Variants in GSDME observed in about 807,000 individuals in gnomAD.
The protein encoded by GSDME is gasdermin-E.
GSDME carries 44 observed loss-of-function variants against 47.5 expected under a neutral mutation model. The observed-to-expected ratio is 0.93, with a 90% confidence interval of 0.73 to 1.19. The LOEUF is 1.19. GSDME is among the 50% of genes most tolerant of loss of function. The pLI, the probability that GSDME is intolerant of heterozygous loss-of-function variation, is 0.00. For missense variants in GSDME, 663 were observed against 604.2 expected (o/e 1.10, Z -1.02); for synonymous variants, 258 against 252.8 (o/e 1.02, Z -0.20).
chr7:24,708,254 G>T lies in GSDME; in HGVS notation c.863C>A (p.Ala288Glu), dbSNP rs150896230. 1.8e-5 allele frequency: 29 copies of T among 1,613,826 alleles called. No individual in the cohort carries two copies. The African/African-American group carries it at 3.2e-4, about 18-fold the overall frequency. Residue 288 changes from alanine (A) to glutamate (E), a missense_variant and splice_region_variant, in exon 7 of 10, where the codon GCG (alanine) becomes GAG (glutamate). Transcript: ENST00000645220. ...GAAATTCCTCTCCAGGAGCAGGGTC[G>T]CTGTGAAAACAAAGCACACCCAAGT... ...QDGPLSVLKQ[A>E]TLLLERNFHP...
chr7:24,749,520 A>G, intron 2 of GSDME, 44 bp downstream of exon 2: 1 of 1,458,994 alleles, frequency 6.9e-7, no homozygotes, highest in East Asian at 2.3e-5. Flanking sequence ...AAAAAGGATC[A>G]TCCTTTCCGA....
chr7:24,793,090 A>G, the GSDME span, among the ~76,000 whole-genome samples: 3 of 152,244 alleles, frequency 2.0e-5, no homozygotes, highest in Admixed American at 1.3e-4. Flanking sequence ...ATATTTGACA[A>G]TGCTTCCTGT....
At chr7:24,701,852 A>G (rs1788881746) in intron 9 of GSDME, among the ~76,000 whole-genome samples, 1 of 152,214 alleles carries the variant, frequency 6.6e-6, no homozygotes, top group Non-Finnish European at 1.5e-5. Flanking sequence ...GCCATGCTGC[A>G]TAGTCTTCTA....
chr7:24,790,781 G>C, the GSDME span, among the ~76,000 whole-genome samples: 1 of 152,132 alleles, frequency 6.6e-6, no homozygotes, highest in South Asian at 2.1e-4. The surrounding 1 kb of genome is among the most constrained non-coding windows in gnomAD (Gnocchi z 4.1). Context: ...CTTGTACTGG[G>C]TGGCATTATA....
At chr7:24,789,055 A>C in the GSDME span, among the ~76,000 whole-genome samples, 1 of 152,210 alleles carries the variant, frequency 6.6e-6, no homozygotes, top group Non-Finnish European at 1.5e-5. Flanking sequence ...AGGGATGCAG[A>C]GATGTGACTT....
At chr7:24,752,197 A>G (rs1160201341) in intron 1 of GSDME, among the ~76,000 whole-genome samples, 1 of 152,180 alleles carries the variant, frequency 6.6e-6, no homozygotes, top group Non-Finnish European at 1.5e-5. Context: ...CCCAGGAGAC[A>G]TTGTGTTGTA....
rs1789557938 is a variant in GSDME at position 24,716,462 on chromosome 7, C to T, written c.697+792G>A. On this transcript the variant is annotated intron_variant, in intron 5 of 9. Coordinates refer to ENST00000645220, the MANE Select transcript of GSDME (RefSeq NM_001127453.2). This position sits in a 1 kb window ranked among gnomAD's most constrained non-coding sequence, Gnocchi z 4.5. ...CCATTGTCACACCTAAAAAACTTCA[C>T]AATTTATTATGTTACATTTACCCAC... The T allele has an allele frequency of 6.6e-6, 1 of 152,332 alleles. No individual in the cohort carries two copies. Among genetic ancestry groups the T allele is most frequent in the Non-Finnish European group, 1.5e-5 (1 of 68,146 alleles). The allele number at this position is 152,332 out of a possible 1,614,324, so 9.4% of individuals were successfully genotyped here.
chr7:24,760,312 G>T (rs927239024), upstream of GSDME, among the ~76,000 whole-genome samples: 2 of 152,168 alleles, frequency 1.3e-5, no homozygotes, highest in African/African-American at 4.8e-5. This position sits in a 1 kb window ranked among gnomAD's most constrained non-coding sequence, Gnocchi z 4.2. Flanking sequence ...AGCTCTGCAT[G>T]GCTGCCATAA....
rs1490479082 is a variant in GSDME, at chr7:24,705,183, C to T, written c.1183+1001G>A. 1 of 152,198 alleles carries T rather than the reference C, an allele frequency of 6.6e-6. No homozygotes were observed. The highest frequency in any genetic ancestry group is 2.4e-5 in the African/African-American group (1 of 41,460). The allele number at this position is 152,198 out of a possible 1,614,324, so 9.4% of individuals were successfully genotyped here. A position where few individuals can be genotyped will look rare whatever the true frequency, so the allele number is the denominator to read the frequency against. On this transcript the variant is annotated intron_variant, in intron 8 of 9. Transcript: ENST00000645220. This position sits in a 1 kb window ranked among gnomAD's most constrained non-coding sequence, Gnocchi z 4.1. ...CTCTGGCCTGTGTATTAGCTCCTGACAGAATGCCTGTTCTGAAAGACTCTA... is the reference window on the plus strand; with the variant it reads ...CTCTGGCCTGTGTATTAGCTCCTGATAGAATGCCTGTTCTGAAAGACTCTA...
chr7:24,727,228 C>T (rs764829251), intron 3 of GSDME, among the ~76,000 whole-genome samples: 12 of 152,206 alleles, frequency 7.9e-5, no homozygotes, highest in Non-Finnish European at 1.6e-4. Context: ...CCCACCTGAA[C>T]CACATGGCCT....
rs540120798 is a variant in GSDME at position 24,710,090 on chromosome 7, C to T, written c.862+134G>A. 177 of 1,001,688 alleles carry T rather than the reference C, an allele frequency of 1.8e-4. No homozygotes were observed. In the African/African-American group the frequency reaches 2.1e-3, roughly 12 times the overall value. The allele number at this position is 1,001,688 out of a possible 1,614,324, so 62.0% of individuals were successfully genotyped here. The stretch of plus-strand genomic sequence containing the variant: ...TCCTGCCGAGTGGACTGGGCCTCGG[C>T]GGCATCACCTCTCTTCTCATATGTT... On this transcript the variant is annotated intron_variant, in intron 6 of 9. Coordinates refer to ENST00000645220, the MANE Select transcript of GSDME (RefSeq NM_001127453.2).
At chr7:24,704,420 A>G (rs1428408977) in intron 8 of GSDME, 2 of 152,186 alleles carry the variant, frequency 1.3e-5, no homozygotes, top group African/African-American at 4.8e-5. Flanking sequence ...CTATTCCAGC[A>G]CTTTCCTCAG....
Position 24,706,282 on chromosome 7 carries a change from A to G in GSDME, c.1085T>C (p.Leu362Pro). The change falls in exon 8 of 10, where the codon CTG becomes CCG. Residue 362 changes from leucine (L) to proline (P), a missense_variant. Transcript: ENST00000645220. ...QQQDLVAFLQLVGCSLQGGCP... is the reference protein window; with the variant it reads ...QQQDLVAFLQPVGCSLQGGCP... ...CCCACCCTGTAAGCTGCACCCCACCAGCTGCAGGAAGGCCACAAGGTCCTG... is the reference window on the plus strand; with the variant it reads ...CCCACCCTGTAAGCTGCACCCCACCGGCTGCAGGAAGGCCACAAGGTCCTG... 2 of 1,614,102 alleles carry G rather than the reference A, an allele frequency of 1.2e-6. No homozygotes were observed. Among genetic ancestry groups the G allele is most frequent in the Non-Finnish European group, 1.7e-6 (2 of 1,180,026 alleles).
At chr7:24,789,637 G>T in the GSDME span, among the ~76,000 whole-genome samples, 3 of 152,224 alleles carry the variant, frequency 2.0e-5, no homozygotes, top group Non-Finnish European at 4.4e-5. Context: ...CAGGGCGCAA[G>T]CTGGGCTATC....
chr7:24,706,443 G>A lies in GSDME; in HGVS notation c.991-67C>T, dbSNP rs57866118. The A allele has an allele frequency of 5.9e-3, 8,855 of 1,502,638 alleles. 351 individuals carry two copies. In the East Asian group the frequency reaches 0.12, roughly 20 times the overall value. The allele number at this position is 1,502,638 out of a possible 1,614,324, so 93.1% of individuals were successfully genotyped here. A position where few individuals can be genotyped will look rare whatever the true frequency, so the allele number is the denominator to read the frequency against. ...ACCAAGCGCCACAGCTGGGGCCTCCGCTCACAGTACACACAAGCCCCAGCC... is the reference window on the plus strand; with the variant it reads ...ACCAAGCGCCACAGCTGGGGCCTCCACTCACAGTACACACAAGCCCCAGCC... On this transcript the variant is annotated intron_variant, in intron 7 of 9. Coordinates refer to ENST00000645220, the MANE Select transcript of GSDME (RefSeq NM_001127453.2).
intron 3 of GSDME, among the ~76,000 whole-genome samples, chr7:24,743,530 A>G (rs1213157240): frequency 6.6e-6 from 1 of 152,212 alleles, no homozygotes; most frequent in East Asian, 1.9e-4. Flanking sequence ...CTTCTAAAAA[A>G]TACATCAGAT....
chr7:24,782,215 C>A, the GSDME span, among the ~76,000 whole-genome samples: 4 of 124,208 alleles, frequency 3.2e-5, no homozygotes, highest in Admixed American at 1.8e-4. Flanking sequence ...ATCCCTCCCC[C>A]CTCCCCCCAC....
intron 9 of GSDME, among the ~76,000 whole-genome samples, chr7:24,701,408 C>T (rs1205588848): frequency 6.6e-6 from 1 of 152,186 alleles, no homozygotes; most frequent in Non-Finnish European, 1.5e-5. Context: ...GGGGGTAATA[C>T]AAATGTCCTA....
At chr7:24,761,090 A>G (rs534187639), upstream of GSDME, among the ~76,000 whole-genome samples, 5 of 152,364 alleles carry the variant, frequency 3.3e-5, no homozygotes, top group African/African-American at 1.2e-4. This position sits in a 1 kb window ranked among gnomAD's most constrained non-coding sequence, Gnocchi z 4.4. Flanking sequence ...GGCTTGAAAC[A>G]ACAACCACTT....
Sources: allele counts gnomAD v4.1 joint callset (sites outside exome capture counted in the v4.1 genomes callset), GRCh38; gene constraint gnomAD v4.1.1; non-coding constraint Gnocchi (gnomAD v3.1); transcripts MANE v1.5; gene names NCBI Gene and HGNC (gene_info 2026-07-23, HGNC 2026-07-21).